The following PMEPA1 variants were observed in gnomAD, a reference collection of about 807,000 sequenced individuals.
PMEPA1 encodes prostate transmembrane protein, androgen induced 1.
Under a neutral mutation model 23.0 loss-of-function variants are expected in PMEPA1, and 11 were observed. The observed-to-expected ratio is 0.48, with a 90% CI of 0.30 to 0.79. The LOEUF is 0.79. PMEPA1 is among the 30% of genes least tolerant of loss of function. The pLI, the probability that PMEPA1 is intolerant of heterozygous loss-of-function variation, is 0.06. For synonymous variants in PMEPA1, 204 were observed against 166.4 expected (o/e 1.23, Z -1.74); for missense variants, 377 against 390.9 (o/e 0.96, Z 0.30).
chr20:57,668,810 C>T (rs1239070112), intron 1 of PMEPA1, among the ~76,000 whole-genome samples: 1 of 152,248 alleles, frequency 6.6e-6, no homozygotes, highest in Non-Finnish European at 1.5e-5. Flanking sequence ...GACCCTGGCA[C>T]GTGCCATTCT....
intron 1 of PMEPA1, among the ~76,000 whole-genome samples, chr20:57,701,064 C>CAA (rs373131498): frequency 1.6e-4 from 23 of 144,500 alleles, no homozygotes; most frequent in African/African-American, 5.5e-4. Context: ...AAGAAGACAT[C>CAA]AAAAAAAAAA....
At chr20:57,708,276 AC>A (rs2072115294) in intron 1 of PMEPA1, among the ~76,000 whole-genome samples, 1 of 152,180 alleles carries the variant, frequency 6.6e-6, no homozygotes, top group Non-Finnish European at 1.5e-5. Context: ...GTGCCCCTTC[AC>A]CTGGCGTGCT....
Position 57,704,845 on chromosome 20 carries a change from T to A in PMEPA1, c.109+4629A>T, listed in dbSNP as rs1460558273. On this transcript the variant is annotated intron_variant, in intron 1 of 3. Coordinates refer to ENST00000341744, the MANE Select transcript of PMEPA1 (RefSeq NM_020182.5). This position sits in a 1 kb window ranked among gnomAD's most constrained non-coding sequence, Gnocchi z 4.6. ...TTGGTGGCGGGTGCATCTTGCAGCA[T>A]GGAGGCTTCCTTGGGGCTCCTGAGG... Among the ~76,000 whole-genome samples, 1 of 152,182 alleles carries A rather than the reference T, an allele frequency of 6.6e-6. No individual in the cohort carries two copies. The highest frequency in any genetic ancestry group is 6.5e-5 in the Admixed American group (1 of 15,278).
At chr20:57,708,307 G>A (rs932819741) in intron 1 of PMEPA1, among the ~76,000 whole-genome samples, 1 of 152,190 alleles carries the variant, frequency 6.6e-6, no homozygotes, top group Non-Finnish European at 1.5e-5. Flanking sequence ...TGGGGATGGG[G>A]AAACTAAAGC....
chr20:57,679,018 A>T (rs140549643), intron 1 of PMEPA1, among the ~76,000 whole-genome samples: 2 of 152,314 alleles, frequency 1.3e-5, no homozygotes, highest in African/African-American at 4.8e-5. Context: ...AACTGCAGGG[A>T]TCTCTGAACA....
intron 1 of PMEPA1, among the ~76,000 whole-genome samples, chr20:57,670,564 G>T (rs2071553999): frequency 5.9e-5 from 9 of 152,140 alleles, no homozygotes; most frequent in Admixed American, 5.9e-4. Flanking sequence ...CACCTGCAAT[G>T]CCCCGTCGGC....
At chr20:57,709,265 C>T (rs2072130509) in intron 1 of PMEPA1, among the ~76,000 whole-genome samples, 2 of 148,550 alleles carry the variant, frequency 1.3e-5, no homozygotes, top group Admixed American at 6.7e-5. Context: ...GGGGCCGTGC[C>T]AGGCTCGCAG....
chr20:57,673,020 G>A (rs374903144), intron 1 of PMEPA1, among the ~76,000 whole-genome samples: 1 of 152,202 alleles, frequency 6.6e-6, no homozygotes, highest in Non-Finnish European at 1.5e-5. Flanking sequence ...ACTTAGGTGC[G>A]CAGTAAGTAT....
chr20:57,652,185 G>T lies in PMEPA1; in HGVS notation c.732C>A (p.Phe244Leu). 6.2e-7 allele frequency: 1 copy of T among 1,609,846 alleles called. No homozygotes were observed. ...GCGGCCCACTGCTCTGCTGGTGCTGGAAGGAGGACCCCGGGTAGTGGCCGA... is the reference window on the plus strand; with the variant it reads ...GCGGCCCACTGCTCTGCTGGTGCTGTAAGGAGGACCCCGGGTAGTGGCCGA... ...EVIGHYPGSS[F>L]QHQQSSGPPS... The change falls in exon 4 of 4, where the codon TTC becomes TTA. Residue 244 changes from phenylalanine to leucine, a missense_variant. Around this residue, in one of 3 missense-constraint regions of PMEPA1, gnomAD observed 176 missense variants for 173.0 expected, o/e 1.02. Transcript: ENST00000341744. This position sits in a 1 kb window ranked among gnomAD's most constrained non-coding sequence, Gnocchi z 6.1.
intron 1 of PMEPA1, among the ~76,000 whole-genome samples, chr20:57,671,379 G>A (rs1039158075): frequency 3.3e-5 from 5 of 152,166 alleles, no homozygotes; most frequent in Admixed American, 2.6e-4. Context: ...GAGTGAGTCC[G>A]TGGTGGTGTT....
intron 1 of PMEPA1, among the ~76,000 whole-genome samples, chr20:57,708,501 G>A (rs1233813095): frequency 6.6e-6 from 1 of 152,126 alleles, no homozygotes; most frequent in East Asian, 1.9e-4. Context: ...AGGCGGCTGC[G>A]TTAGCGACAA....
At position 57,648,931 on chromosome 20, in the gene PMEPA1, G is replaced by A. The variant is rs1334480046; in HGVS notation, c.*3122C>T. ...CAGCCCTGATTTTTGCTACATATGG[G>A]GTCCCTTTTCATTCTTTGCAAAAAC... On this transcript the variant is annotated 3_prime_UTR_variant, in exon 4 of 4. Transcript: ENST00000341744. The A allele has an allele frequency of 6.6e-6, 1 of 152,088 alleles. No homozygotes were observed. The highest frequency in any genetic ancestry group is 6.6e-5 in the Admixed American group (1 of 15,266). The allele number at this position is 152,088 out of a possible 1,614,324, so 9.4% of individuals were successfully genotyped here. A position where few individuals can be genotyped will look rare whatever the true frequency, so the allele number is the denominator to read the frequency against.
At chr20:57,663,658 T>C (rs746430827) in intron 1 of PMEPA1, among the ~76,000 whole-genome samples, 2 of 152,200 alleles carry the variant, frequency 1.3e-5, no homozygotes, top group Non-Finnish European at 2.9e-5. Context: ...ACTGAGGCTT[T>C]TGGTGCAGGG....
chr20:57,686,090 A>G (rs2071797414), intron 1 of PMEPA1, among the ~76,000 whole-genome samples: 1 of 152,168 alleles, frequency 6.6e-6, no homozygotes, highest in Non-Finnish European at 1.5e-5. Flanking sequence ...CCAAGGTTCC[A>G]AGGGAGGAAG....
At position 57,704,286 on chromosome 20, in the gene PMEPA1, A is replaced by T. The variant is rs1364892054; in HGVS notation, c.109+5188T>A. Reference sequence around the variant, plus strand: ...CCCCTGGTTCCCTGGAGCCCACCCCAAAGACAACTGAGTTTGCTTCCCTGA... The same window carrying T: ...CCCCTGGTTCCCTGGAGCCCACCCCTAAGACAACTGAGTTTGCTTCCCTGA... On this transcript the variant is annotated intron_variant, in intron 1 of 3. Coordinates refer to ENST00000341744, the MANE Select transcript of PMEPA1 (RefSeq NM_020182.5). This position sits in a 1 kb window ranked among gnomAD's most constrained non-coding sequence, Gnocchi z 4.6. Among the ~76,000 whole-genome samples, 1 of 151,998 alleles carries T rather than the reference A, an allele frequency of 6.6e-6. No individual in the cohort carries two copies. The highest frequency in any genetic ancestry group is 1.5e-5 in the Non-Finnish European group (1 of 67,958).
At chr20:57,689,004 C>A (rs1227683135) in intron 1 of PMEPA1, among the ~76,000 whole-genome samples, 2 of 152,252 alleles carry the variant, frequency 1.3e-5, no homozygotes, top group Non-Finnish European at 2.9e-5. Context: ...TGGCAGCCCG[C>A]CCCAGACTTA....
chr20:57,654,036 G>C (rs767924725), intron 2 of PMEPA1, among the ~76,000 whole-genome samples: 3 of 152,146 alleles, frequency 2.0e-5, no homozygotes, highest in Non-Finnish European at 4.4e-5. Context: ...TCTGGCAAAG[G>C]AGGTGTGTGG....
chr20:57,689,224 G>C (rs1172655549), intron 1 of PMEPA1, among the ~76,000 whole-genome samples: 2 of 152,202 alleles, frequency 1.3e-5, no homozygotes, highest in Non-Finnish European at 2.9e-5. Flanking sequence ...TTTGAAGCCA[G>C]TTTCCCCTCA....
intron 1 of PMEPA1, among the ~76,000 whole-genome samples, chr20:57,676,062 A>G (rs1158155936): frequency 1.3e-5 from 2 of 152,260 alleles, no homozygotes; most frequent in African/African-American, 4.8e-5. Context: ...AATTCTGGGA[A>G]GACGAGGTTC....
Sources: allele counts gnomAD v4.1 joint callset (sites outside exome capture counted in the v4.1 genomes callset), GRCh38; gene constraint gnomAD v4.1.1; regional missense constraint gnomAD v4.1.1; non-coding constraint Gnocchi (gnomAD v3.1); transcripts MANE v1.5; gene names NCBI Gene and HGNC (gene_info 2026-07-23, HGNC 2026-07-21).